The following FHIT variants were observed in gnomAD, a reference collection of about 807,000 sequenced individuals.
FHIT encodes the protein fragile histidine triad diadenosine triphosphatase.
In FHIT, 19 loss-of-function variants were observed where a neutral mutation model predicts 17.9. The ratio of observed to expected loss-of-function variants is 1.06; its 90% CI spans 0.74 to 1.56. FHIT has a LOEUF of 1.56. Among genes scored for constraint, FHIT ranks in the 40% most tolerant of loss-of-function variants. The pLI, the probability that FHIT is intolerant of heterozygous loss-of-function variation, is 0.00. For missense variants in FHIT, 248 were observed against 189.2 expected, an observed-to-expected ratio of 1.31 and a Z score of -1.82; for synonymous variants, 81 against 69.7, an observed-to-expected ratio of 1.16 and a Z score of -0.81.
At chr3:60,507,968 G>A (rs2034802037) in intron 5 of FHIT, among the ~76,000 whole-genome samples, 1 of 152,168 alleles carries the variant, frequency 6.6e-6, no homozygotes, top group Non-Finnish European at 1.5e-5. Flanking sequence ...ATTGTGAATA[G>A]TGCTTCGGTG....
At chr3:60,575,235 A>G (rs73834242) in intron 4 of FHIT, among the ~76,000 whole-genome samples, 1,823 of 152,282 alleles carry the variant, frequency 0.012, 34 homozygotes, top group African/African-American at 0.04. Context: ...GTAGGTATCA[A>G]ATAGACACAG....
chr3:59,944,890 G>A (rs533931977), intron 7 of FHIT, among the ~76,000 whole-genome samples: 1 of 152,044 alleles, frequency 6.6e-6, no homozygotes, highest in African/African-American at 2.4e-5. Context: ...GTACTCCATG[G>A]TGCATATTTA....
At chr3:60,754,424 A>G (rs1553717779) in intron 4 of FHIT, among the ~76,000 whole-genome samples, 1 of 152,240 alleles carries the variant, frequency 6.6e-6, no homozygotes, top group Non-Finnish European at 1.5e-5. Context: ...CTTTGGTGAC[A>G]GAAGTCATAC....
At chr3:60,192,292 T>C (rs975684249) in intron 5 of FHIT, among the ~76,000 whole-genome samples, 1 of 147,910 alleles carries the variant, frequency 6.8e-6, no homozygotes. Context: ...CAGGCAAAAG[T>C]TCAATGGCCT....
intron 4 of FHIT, among the ~76,000 whole-genome samples, chr3:60,635,670 C>T (rs1366733664): frequency 1.3e-5 from 2 of 152,270 alleles, no homozygotes; most frequent in Admixed American, 1.3e-4. Context: ...AGATTAAAAG[C>T]TCAGAGGAGT....
chr3:59,842,726 T>C (rs896474454), intron 8 of FHIT, among the ~76,000 whole-genome samples: 6 of 152,192 alleles, frequency 3.9e-5, no homozygotes, highest in African/African-American at 1.4e-4. Flanking sequence ...AAGTGTCTAT[T>C]CTAGTCCTTT....
At chr3:59,854,671 T>C (rs1702079631) in intron 8 of FHIT, among the ~76,000 whole-genome samples, 1 of 152,138 alleles carries the variant, frequency 6.6e-6, no homozygotes, top group Non-Finnish European at 1.5e-5. Context: ...GTCTGGGGAA[T>C]AGAATTGTTT....
intron 3 of FHIT, among the ~76,000 whole-genome samples, chr3:60,997,579 C>T (rs563160724): frequency 6.6e-6 from 1 of 152,250 alleles, no homozygotes; most frequent in East Asian, 1.9e-4. Context: ...AGTGTTCCCA[C>T]CACTCCCTAT....
chr3:60,175,851 C>G (rs1420114272), intron 5 of FHIT, among the ~76,000 whole-genome samples: 1 of 152,092 alleles, frequency 6.6e-6, no homozygotes, highest in Non-Finnish European at 1.5e-5. Context: ...GTTAACTACC[C>G]TAGTACAACC....
chr3:60,547,822 G>A (rs780457110), intron 4 of FHIT, among the ~76,000 whole-genome samples: 1 of 152,112 alleles, frequency 6.6e-6, no homozygotes, highest in South Asian at 2.1e-4. Context: ...GGGCTAGATA[G>A]GCAACCTAAC....
intron 5 of FHIT, among the ~76,000 whole-genome samples, chr3:60,173,915 A>ATTTTTTTTTT: frequency 2.4e-4 from 16 of 66,428 alleles, no homozygotes; most frequent in Non-Finnish European, 3.9e-4. Flanking sequence ...ATATATATAT[A>ATTTTTTTTTT]TGTTTTTTTT....
At chr3:60,567,503 C>T (rs2037182758) in intron 4 of FHIT, among the ~76,000 whole-genome samples, 1 of 152,120 alleles carries the variant, frequency 6.6e-6, no homozygotes, top group African/African-American at 2.4e-5. Context: ...CATAAAAACC[C>T]TAGAAGAAAA....
At chr3:60,709,666 T>C (rs1284969393) in intron 4 of FHIT, among the ~76,000 whole-genome samples, 1 of 152,208 alleles carries the variant, frequency 6.6e-6, no homozygotes, top group African/African-American at 2.4e-5. Context: ...TTGCATGATA[T>C]AAAAAAGAAT....
chr3:60,953,061 A>G (rs556073602), intron 3 of FHIT, among the ~76,000 whole-genome samples: 2 of 152,282 alleles, frequency 1.3e-5, no homozygotes, highest in South Asian at 2.1e-4. Context: ...TGCCTCCTCT[A>G]CAGTATCCAT....
chr3:60,954,373 A>G (rs1013718566), intron 3 of FHIT, among the ~76,000 whole-genome samples: 5 of 152,368 alleles, frequency 3.3e-5, no homozygotes, highest in African/African-American at 1.2e-4. Flanking sequence ...CCAAACATTC[A>G]TAAATGACGA....
At chr3:60,016,311 G>A (rs916863549) in intron 5 of FHIT, among the ~76,000 whole-genome samples, 22 of 152,270 alleles carry the variant, frequency 1.4e-4, no homozygotes, top group African/African-American at 5.3e-4. Context: ...ATTTTTTAAA[G>A]GAAGCGAAGG....
chr3:60,153,664 C>G (rs150072729), intron 5 of FHIT, among the ~76,000 whole-genome samples: 2 of 152,114 alleles, frequency 1.3e-5, no homozygotes, highest in Non-Finnish European at 2.9e-5. Context: ...CCTAAGGCCA[C>G]GTTTATGAAA....
At chr3:59,824,087 C>T (rs951522212) in intron 8 of FHIT, among the ~76,000 whole-genome samples, 1 of 152,178 alleles carries the variant, frequency 6.6e-6, no homozygotes, top group Non-Finnish European at 1.5e-5. Context: ...GAGCTCAACC[C>T]CTTTTACAAT....
intron 5 of FHIT, among the ~76,000 whole-genome samples, chr3:60,025,692 G>C (rs904927607): frequency 6.9e-6 from 1 of 145,066 alleles, no homozygotes; most frequent in African/African-American, 2.5e-5. Context: ...TAAAGAATAA[G>C]CTAAATCATT....
Sources: gnomAD v4.1 joint callset for allele counts (sites outside exome capture counted in the v4.1 genomes callset) on GRCh38, gnomAD v4.1.1 for gene constraint, MANE v1.5 for transcripts, NCBI Gene and HGNC (gene_info 2026-07-23, HGNC 2026-07-21) for gene names.